The following SYT14 variants were observed in gnomAD, a reference collection of about 807,000 sequenced individuals.
The protein encoded by SYT14 is synaptotagmin 14, also known as synaptotagmin-14.
SYT14 carries 32 observed loss-of-function variants against 74.2 expected under a neutral mutation model. The observed-to-expected ratio is 0.43, with a 90% CI of 0.33 to 0.58. The LOEUF (loss-of-function observed/expected upper bound fraction) is 0.58. SYT14 is among the 20% of genes least tolerant of loss of function. The probability of loss-of-function intolerance (pLI) is 0.05; values close to 1 mark genes in which losing one functional copy is unlikely to be tolerated. For missense variants in SYT14, 791 were observed against 981.8 expected, an observed-to-expected ratio of 0.81 and a Z score of 2.60; for synonymous variants, 298 against 337.7, an observed-to-expected ratio of 0.88 and a Z score of 1.29.
intron 5 of SYT14, among the ~76,000 whole-genome samples, chr1:210,041,972 TGG>T (rs2080798879): frequency 2.6e-5 from 4 of 152,028 alleles, no homozygotes; most frequent in African/African-American, 9.7e-5. Flanking sequence ...CCAGCATGAC[TGG>T]GATCACTGAG....
chr1:210,163,566 A>G (rs898548727), exon 10 of SYT14: 2 of 453,504 alleles, frequency 4.4e-6, no homozygotes. Context: ...AAAACATTTC[A>G]TACATTTAGG....
chr1:210,164,224 G>T, exon 10 of SYT14: 3 of 291,972 alleles, frequency 1.0e-5, no homozygotes, highest in South Asian at 3.2e-5. Context: ...ATCTTACTGT[G>T]CATTTAGTGA....
intron 5 of SYT14, among the ~76,000 whole-genome samples, chr1:210,047,280 T>TCC (rs2080903494): frequency 6.6e-6 from 1 of 152,154 alleles, no homozygotes; most frequent in Admixed American, 6.5e-5. Flanking sequence ...CCAATAAATG[T>TCC]TTATTGAATT....
At chr1:210,163,222 G>A (rs1372222314) in exon 10 of SYT14, 1 of 445,084 alleles carries the variant, frequency 2.2e-6, no homozygotes, top group Non-Finnish European at 4.4e-6. Context: ...TTCACTCTTA[G>A]TGAGAAAAAG....
intron 7 of SYT14, among the ~76,000 whole-genome samples, chr1:210,153,902 G>T (rs2083217908): frequency 1.3e-5 from 2 of 152,006 alleles, no homozygotes; most frequent in African/African-American, 4.8e-5. Flanking sequence ...GTATATTTAG[G>T]ATTTTTTCAT....
chr1:210,134,668 A>G (rs1368712399), intron 7 of SYT14, among the ~76,000 whole-genome samples: 2 of 151,910 alleles, frequency 1.3e-5, no homozygotes, highest in East Asian at 3.9e-4. Context: ...TTCTGCCCCT[A>G]CCCCTAAACA....
chr1:210,153,941 A>AC (rs1452187633), intron 7 of SYT14, among the ~76,000 whole-genome samples: 1 of 152,038 alleles, frequency 6.6e-6, no homozygotes, highest in African/African-American at 2.4e-5. Flanking sequence ...AAATCTTGTA[A>AC]TTTTTCTTTT....
At chr1:210,075,298 C>T (rs964147312) in intron 5 of SYT14, among the ~76,000 whole-genome samples, 60 of 151,354 alleles carry the variant, frequency 4.0e-4, no homozygotes, top group African/African-American at 1.3e-3. Context: ...TTCTTCTTGA[C>T]GTCTAGCCAC....
intron 5 of SYT14, among the ~76,000 whole-genome samples, chr1:210,051,116 T>A (rs965409376): frequency 2.6e-5 from 4 of 152,204 alleles, no homozygotes; most frequent in Non-Finnish European, 5.9e-5. Flanking sequence ...TATTTGTATC[T>A]CTCTTCACCC....
chr1:210,044,128 A>G (rs2080844544), intron 5 of SYT14, among the ~76,000 whole-genome samples: 1 of 152,148 alleles, frequency 6.6e-6, no homozygotes, highest in Non-Finnish European at 1.5e-5. Context: ...GGTTGGTGCC[A>G]ATGTCGTAAA....
chr1:210,105,076 C>T lies in SYT14; in HGVS notation c.2034+4615C>T, dbSNP rs1052684860. 2.6e-5 allele frequency among the ~76,000 whole-genome samples: 4 copies of T among 152,186 alleles called. No individual in the cohort carries two copies. The East Asian group carries it at 7.7e-4, about 29-fold the overall frequency. On this transcript the variant is annotated intron_variant, in intron 7 of 9. Coordinates refer to ENST00000637265, the Ensembl canonical transcript of SYT14. Reference sequence around the variant, plus strand: ...TATGATTCCTGGACCAACATCATCACATAGGAACTTGATAGAAGTGCAGAT... The same window carrying T: ...TATGATTCCTGGACCAACATCATCATATAGGAACTTGATAGAAGTGCAGAT...
intron 2 of SYT14, among the ~76,000 whole-genome samples, chr1:209,985,391 G>A (rs530062516): frequency 7.2e-5 from 11 of 152,328 alleles, no homozygotes; most frequent in Non-Finnish European, 1.6e-4. Flanking sequence ...TTGACTCCAC[G>A]TCCTATATTC....
At chr1:210,058,449 G>A (rs1300065175) in intron 5 of SYT14, among the ~76,000 whole-genome samples, 2 of 152,130 alleles carry the variant, frequency 1.3e-5, no homozygotes, top group African/African-American at 4.8e-5. Context: ...GAAGGAGCAT[G>A]GAAAATAGAG....
intron 6 of SYT14, among the ~76,000 whole-genome samples, chr1:210,097,159 T>G (rs2081981681): frequency 6.6e-6 from 1 of 152,248 alleles, no homozygotes; most frequent in African/African-American, 2.4e-5. Context: ...AATATAAAAT[T>G]CACTTTTGTG....
chr1:210,155,273 T>C (rs2083245698), intron 7 of SYT14, among the ~76,000 whole-genome samples: 2 of 152,206 alleles, frequency 1.3e-5, no homozygotes, highest in South Asian at 4.1e-4. Flanking sequence ...TTTTTCAACT[T>C]TTCTATATCT....
chr1:210,017,191 G>A (rs1481915812), intron 4 of SYT14: 9 of 870,638 alleles, frequency 1.0e-5, no homozygotes, highest in Non-Finnish European at 1.4e-5. Flanking sequence ...CAGCTTTCCT[G>A]TTCATGTGTC....
chr1:210,005,139 A>C (rs2079967125), intron 2 of SYT14, among the ~76,000 whole-genome samples: 1 of 151,978 alleles, frequency 6.6e-6, no homozygotes, highest in South Asian at 2.1e-4. Context: ...TGAACCATTC[A>C]ATGTTTTCAG....
chr1:210,072,084 T>A (rs183862263), intron 5 of SYT14, among the ~76,000 whole-genome samples: 2 of 151,188 alleles, frequency 1.3e-5, no homozygotes, highest in East Asian at 3.9e-4. Context: ...TAATTTGATG[T>A]CTATTCAGAT....
intron 2 of SYT14, among the ~76,000 whole-genome samples, chr1:209,955,961 C>T (rs2078985029): frequency 6.6e-6 from 1 of 152,154 alleles, no homozygotes; most frequent in African/African-American, 2.4e-5. Context: ...TCAGAACTTA[C>T]ATTTTTATAA....
Sources: gnomAD v4.1 joint callset for allele counts (sites outside exome capture counted in the v4.1 genomes callset) on GRCh38, gnomAD v4.1.1 for gene constraint, MANE v1.5 for transcripts, NCBI Gene and HGNC (gene_info 2026-07-23, HGNC 2026-07-21) for gene names.